RTN4: variants seen among roughly 807,000 people sequenced by gnomAD.
RTN4 encodes reticulon 4.
A neutral mutation model predicts 90.4 loss-of-function variants in RTN4; 32 were observed. The ratio of observed to expected loss-of-function variants is 0.35; its 90% CI spans 0.27 to 0.48. The LOEUF is 0.48. RTN4 is among the 20% of genes least tolerant of loss of function. The pLI, the probability that RTN4 is intolerant of heterozygous loss-of-function variation, is 0.99. For synonymous variants in RTN4, 629 were observed against 552.5 expected, an observed-to-expected ratio of 1.14 and a Z score of -1.94; for missense variants, 1,706 against 1,430.2, an observed-to-expected ratio of 1.19 and a Z score of -3.11.
intron 3 of RTN4, among the ~76,000 whole-genome samples, chr2:55,023,691 A>G (rs1022441917): frequency 6.6e-6 from 1 of 151,964 alleles, no homozygotes; most frequent in Non-Finnish European, 1.5e-5. Flanking sequence ...CTAATATTTT[A>G]ATTTTTCTCC....
chr2:55,054,483 G>A (rs1386587560), upstream of RTN4, among the ~76,000 whole-genome samples: 1 of 152,170 alleles, frequency 6.6e-6, no homozygotes, highest in African/African-American at 2.4e-5. Context: ...CATTTCTATA[G>A]TATTATACCT....
chr2:55,063,882 A>T (rs1216697664), intron 2 of RTN4, among the ~76,000 whole-genome samples: 2 of 151,758 alleles, frequency 1.3e-5, no homozygotes, highest in Non-Finnish European at 2.9e-5. Flanking sequence ...AGTCTCAAAA[A>T]AAAAAAAGTT....
intron 2 of RTN4, among the ~76,000 whole-genome samples, chr2:55,078,448 A>C (rs1365800068): frequency 6.6e-6 from 1 of 152,166 alleles, no homozygotes; most frequent in African/African-American, 2.4e-5. Context: ...TAGATTTAGA[A>C]ATGATATTCC....
chr2:54,974,838 C>T, intron 5 of RTN4, 74 bp from the exon 6 acceptor site: 3 of 1,301,658 alleles, frequency 2.3e-6, no homozygotes, highest in Non-Finnish European at 3.3e-6. Context: ...TCAAAAGCAT[C>T]CCATCTAAAT....
chr2:55,013,253 C>T (rs1217998596), intron 3 of RTN4, among the ~76,000 whole-genome samples: 2 of 152,054 alleles, frequency 1.3e-5, no homozygotes, highest in African/African-American at 4.8e-5. Flanking sequence ...CAGCTTTATA[C>T]AGAACTTTTG....
chr2:55,100,006 CTTATT>C (rs1435445255), intron 1 of RTN4, among the ~76,000 whole-genome samples: 2 of 152,154 alleles, frequency 1.3e-5, no homozygotes, highest in East Asian at 3.9e-4. Flanking sequence ...GACATGCTGA[CTTATT>C]TTAGAGAACT....
At chr2:55,048,459 A>T (rs954924787) in intron 1 of RTN4, among the ~76,000 whole-genome samples, 7 of 152,202 alleles carry the variant, frequency 4.6e-5, no homozygotes, top group Non-Finnish European at 1.0e-4. Flanking sequence ...TTAAAGCTAT[A>T]GAAAAGAAAT....
intron 1 of RTN4, among the ~76,000 whole-genome samples, chr2:55,097,688 G>A (rs753517588): frequency 4.6e-5 from 7 of 152,138 alleles, no homozygotes; most frequent in Non-Finnish European, 1.0e-4. Flanking sequence ...GGGAATATGA[G>A]AGACGGAATA....
intron 3 of RTN4, among the ~76,000 whole-genome samples, chr2:55,011,209 T>C (rs1161461289): frequency 1.3e-5 from 2 of 152,002 alleles, no homozygotes; most frequent in Non-Finnish European, 2.9e-5. Flanking sequence ...ACACTTTTTT[T>C]AGAGATGAGG....
intron 1 of RTN4, among the ~76,000 whole-genome samples, chr2:55,030,303 T>A (rs2104887764): frequency 6.6e-6 from 1 of 152,286 alleles, no homozygotes; most frequent in South Asian, 2.1e-4. Context: ...CAAATTGGTA[T>A]TTCAAAGATT....
intron 5 of RTN4, among the ~76,000 whole-genome samples, chr2:54,976,159 G>T (rs1677616110): frequency 6.6e-6 from 1 of 152,200 alleles, no homozygotes; most frequent in Non-Finnish European, 1.5e-5. Context: ...AATTACTCTA[G>T]CAACGAAGAT....
At chr2:55,103,273 G>T (rs1384691721) in intron 1 of RTN4, among the ~76,000 whole-genome samples, 1 of 151,972 alleles carries the variant, frequency 6.6e-6, no homozygotes, top group African/African-American at 2.4e-5. Flanking sequence ...TAAAAAAGTC[G>T]AACTCAGGGC....
In RTN4 at chr2:55,012,817, G is replaced by A. The variant is rs566400024; in HGVS notation, c.3013+12269C>T. Among the ~76,000 whole-genome samples the A allele has an allele frequency of 2.0e-4, 31 of 151,998 alleles. 1 individual carries two copies. The highest frequency in any genetic ancestry group is 1.2e-3 in the South Asian group (6 of 4,816). On this transcript the variant is annotated intron_variant, in intron 3 of 8. Transcript: ENST00000337526. Reference sequence around the variant, plus strand: ...CCCCTCTCATACACAAACTATTGTCGTTGCTGTATAGTTCTATTATTTTCC... The same window carrying A: ...CCCCTCTCATACACAAACTATTGTCATTGCTGTATAGTTCTATTATTTTCC...
chr2:55,088,565 T>C (rs1354248975), intron 1 of RTN4, among the ~76,000 whole-genome samples: 1 of 152,236 alleles, frequency 6.6e-6, no homozygotes. Context: ...TCATATGATA[T>C]GTAACATTGG....
At chr2:55,114,854 C>G (rs1399914474), upstream of RTN4, among the ~76,000 whole-genome samples, 1 of 152,120 alleles carries the variant, frequency 6.6e-6, no homozygotes, top group Non-Finnish European at 1.5e-5. Flanking sequence ...TAGCCACCCC[C>G]ATTCATCTCC....
intron 1 of RTN4, among the ~76,000 whole-genome samples, chr2:55,102,328 A>C (rs1667866654): frequency 6.6e-6 from 1 of 152,122 alleles, no homozygotes; most frequent in African/African-American, 2.4e-5. Context: ...TTTTCTGTGA[A>C]GGGCCAGATA....
intron 2 of RTN4, among the ~76,000 whole-genome samples, chr2:55,058,866 A>T (rs1668238237): frequency 6.6e-6 from 1 of 151,120 alleles, no homozygotes; most frequent in East Asian, 1.9e-4. Context: ...TTTTTTGATA[A>T]TTTTTTTTTT....
At chr2:55,031,390 A>C (rs985624181) in intron 1 of RTN4, among the ~76,000 whole-genome samples, 2 of 152,180 alleles carry the variant, frequency 1.3e-5, no homozygotes, top group African/African-American at 4.8e-5. Flanking sequence ...AGTTGTCTGG[A>C]ATTTGTGAGA....
intron 2 of RTN4, among the ~76,000 whole-genome samples, chr2:55,058,479 A>G (rs1457282134): frequency 6.6e-6 from 1 of 152,240 alleles, no homozygotes; most frequent in Non-Finnish European, 1.5e-5. Context: ...TGTACATGCC[A>G]GCTACCAGCC....
Sources: gnomAD v4.1 joint callset for allele counts (sites outside exome capture counted in the v4.1 genomes callset) on GRCh38, gnomAD v4.1.1 for gene constraint, MANE v1.5 for transcripts, NCBI Gene and HGNC (gene_info 2026-07-23, HGNC 2026-07-21) for gene names.